TSPAN9: variants seen among roughly 807,000 people sequenced by gnomAD.
TSPAN9 encodes the protein tetraspanin 9, also known as tetraspanin-9.
A neutral mutation model predicts 31.0 loss-of-function variants in TSPAN9; 16 were observed. The ratio of observed to expected loss-of-function variants is 0.52; its 90% confidence interval spans 0.35 to 0.78. The LOEUF is 0.78. Ranked by LOEUF, TSPAN9 falls within the 30% of genes least tolerant of loss-of-function variation. TSPAN9 has a pLI of 0.01. For synonymous variants in TSPAN9, 145 were observed against 121.6 expected, an observed-to-expected ratio of 1.19 and a Z score of -1.27; for missense variants, 272 against 312.5, an observed-to-expected ratio of 0.87 and a Z score of 0.98.
At chr12:3,201,876 G>A (rs1218528664) in intron 3 of TSPAN9, among the ~76,000 whole-genome samples, 1 of 152,212 alleles carries the variant, frequency 6.6e-6, no homozygotes, top group African/African-American at 2.4e-5. Context: ...AAGGAGGGGT[G>A]TGGGGGCATG....
At chr12:3,240,687 A>C (rs1203918296) in intron 3 of TSPAN9, among the ~76,000 whole-genome samples, 1 of 152,114 alleles carries the variant, frequency 6.6e-6, no homozygotes, top group Non-Finnish European at 1.5e-5. Context: ...CAAATCTATG[A>C]TCCTTACACT....
At chr12:3,193,933 T>C (rs2098365792) in intron 2 of TSPAN9, among the ~76,000 whole-genome samples, 2 of 152,212 alleles carry the variant, frequency 1.3e-5, no homozygotes, top group Admixed American at 1.3e-4. Context: ...CCGCATGGCA[T>C]TTGCACTCTT....
intron 3 of TSPAN9, among the ~76,000 whole-genome samples, chr12:3,214,659 T>C (rs1276161190): frequency 6.6e-6 from 1 of 150,666 alleles, no homozygotes; most frequent in Non-Finnish European, 1.5e-5. Context: ...TCAGTTGATT[T>C]GAACACGCCC....
rs1439395488 is a variant in TSPAN9, at chr12:3,218,649, G to T, written c.63+17393G>T. ...AGGAGGAGAGGAAAAACGCAAAGGG[G>T]AAAGGAAGGAGAAGGCACCAGGAAG... On this transcript the variant is annotated intron_variant, in intron 3 of 8. Transcript: ENST00000011898. Among the ~76,000 whole-genome samples the T allele has an allele frequency of 2.0e-5, 3 of 152,182 alleles. 1 individual carries two copies. The South Asian group carries it at 6.2e-4, about 31-fold the overall frequency.
intron 3 of TSPAN9, among the ~76,000 whole-genome samples, chr12:3,276,262 C>T (rs1862784918): frequency 6.6e-6 from 1 of 152,216 alleles, no homozygotes; most frequent in Admixed American, 6.5e-5. Context: ...CAAACAGCAG[C>T]CAGAGTGATC....
At chr12:3,274,853 C>T (rs1246263661) in intron 3 of TSPAN9, among the ~76,000 whole-genome samples, 2 of 152,234 alleles carry the variant, frequency 1.3e-5, no homozygotes, top group African/African-American at 4.8e-5. Context: ...AGACGTGCAC[C>T]ATGCGTGGAG....
intron 2 of TSPAN9, among the ~76,000 whole-genome samples, chr12:3,163,103 G>A (rs747714420): frequency 1.3e-5 from 2 of 152,190 alleles, no homozygotes; most frequent in African/African-American, 2.4e-5. Context: ...ATGCTTGTTC[G>A]TGCAGCTCTC....
In TSPAN9 at chr12:3,242,980, G is replaced by T. The variant is rs116674786; in HGVS notation, c.64-35441G>T. ...GGCAGGGCATCCAGACGGGAGCTCT[G>T]TGGGAGAACTGGGTCTCCAGGTCTC... is the stretch of plus-strand genomic sequence containing the variant. On this transcript the variant is annotated intron_variant, in intron 3 of 8. Transcript: ENST00000011898. Among the ~76,000 whole-genome samples, 852 of 152,350 alleles carry T rather than the reference G, an allele frequency of 5.6e-3. 10 individuals carry two copies. The highest frequency in any genetic ancestry group is 0.019 in the African/African-American group (794 of 41,580).
At chr12:3,148,758 G>C (rs949013054) in intron 2 of TSPAN9, among the ~76,000 whole-genome samples, 6 of 152,250 alleles carry the variant, frequency 3.9e-5, no homozygotes, top group Admixed American at 2.6e-4. Flanking sequence ...ATCCTCTCCA[G>C]CTCGGCTGGG....
intron 2 of TSPAN9, among the ~76,000 whole-genome samples, chr12:3,096,219 C>T (rs980760919): frequency 6.6e-6 from 1 of 152,246 alleles, no homozygotes; most frequent in African/African-American, 2.4e-5. Flanking sequence ...GATACTGCCA[C>T]ATCCTAAACC....
chr12:3,162,380 A>G (rs1233376659), intron 2 of TSPAN9, among the ~76,000 whole-genome samples: 2 of 152,222 alleles, frequency 1.3e-5, no homozygotes, highest in African/African-American at 4.8e-5. Context: ...GCTGCATGCT[A>G]AATAATTGAT....
chr12:3,148,936 G>A (rs574579875), intron 2 of TSPAN9, among the ~76,000 whole-genome samples: 1 of 152,292 alleles, frequency 6.6e-6, no homozygotes, highest in South Asian at 2.1e-4. Flanking sequence ...GGTAACTTTG[G>A]CTCCTGCCTC....
intron 2 of TSPAN9, among the ~76,000 whole-genome samples, chr12:3,093,417 C>T (rs937722380): frequency 3.3e-5 from 5 of 152,154 alleles, no homozygotes; most frequent in Non-Finnish European, 7.3e-5. Context: ...GTCTCCAGCT[C>T]ACCCATAAAA....
At chr12:3,110,225 G>A (rs570265358) in intron 2 of TSPAN9, among the ~76,000 whole-genome samples, 2 of 152,240 alleles carry the variant, frequency 1.3e-5, no homozygotes, top group East Asian at 3.9e-4. Flanking sequence ...AAGTACAGAG[G>A]CCAAGACCCT....
chr12:3,268,634 G>C (rs1364397835), intron 3 of TSPAN9, among the ~76,000 whole-genome samples: 6 of 85,604 alleles, frequency 7.0e-5, no homozygotes, highest in Admixed American at 2.6e-4. Context: ...CCTGCCCTCT[G>C]TGCGTTCCTG....
chr12:3,272,155 C>A (rs1452662080), intron 3 of TSPAN9, among the ~76,000 whole-genome samples: 1 of 152,176 alleles, frequency 6.6e-6, no homozygotes, highest in Non-Finnish European at 1.5e-5. Flanking sequence ...CCAGTGACAT[C>A]TGATGCCAGA....
chr12:3,201,182 A>G lies in TSPAN9; in HGVS notation c.-12A>G. On this transcript the variant is annotated 5_prime_UTR_variant, in exon 3 of 9. Coordinates refer to ENST00000011898, the MANE Select transcript of TSPAN9 (RefSeq NM_006675.5). ...GTCCTTTGTGTTCCTCCTAGAATTT[A>G]AGAAGTGCAACATGGCCAGGGGCTG... is the stretch of plus-strand genomic sequence containing the variant. 6.2e-7 allele frequency: 1 copy of G among 1,613,988 alleles called. No individual in the cohort carries two copies. Among genetic ancestry groups the G allele is most frequent in the Non-Finnish European group, 8.5e-7 (1 of 1,179,848 alleles).
At chr12:3,237,467 A>G (rs1024523137) in intron 3 of TSPAN9, among the ~76,000 whole-genome samples, 1 of 152,188 alleles carries the variant, frequency 6.6e-6, no homozygotes, top group Non-Finnish European at 1.5e-5. Context: ...TCTGGCCGGG[A>G]GAGACCTCAA....
At chr12:3,121,647 G>A (rs1398668511) in intron 2 of TSPAN9, among the ~76,000 whole-genome samples, 1 of 147,772 alleles carries the variant, frequency 6.8e-6, no homozygotes, top group Admixed American at 7.0e-5. Context: ...CAAAGTGCTA[G>A]GGTTATAGAT....
Sources: gnomAD v4.1 joint callset for allele counts (sites outside exome capture counted in the v4.1 genomes callset) on GRCh38, gnomAD v4.1.1 for gene constraint, MANE v1.5 for transcripts, NCBI Gene and HGNC (gene_info 2026-07-23, HGNC 2026-07-21) for gene names.